Variants in ANKS1B observed in about 807,000 individuals in gnomAD.
ANKS1B encodes ankyrin repeat and sterile alpha motif domain containing 1B, also known as ankyrin repeat and sterile alpha motif domain-containing protein 1B.
Under a neutral mutation model 148.3 loss-of-function variants are expected in ANKS1B, and 36 were observed. The ratio of observed to expected loss-of-function variants is 0.24; its 90% CI spans 0.19 to 0.32. The LOEUF (loss-of-function observed/expected upper bound fraction) is 0.32. Ranked by LOEUF, ANKS1B falls within the 10% of genes least tolerant of loss-of-function variation. The probability of loss-of-function intolerance (pLI) is 1.00; values close to 1 mark genes in which losing one functional copy is unlikely to be tolerated. For missense variants in ANKS1B, 1,157 were observed against 1,542.6 expected (o/e 0.75, Z 4.19); for synonymous variants, 542 against 560.8 (o/e 0.97, Z 0.47).
chr12:98,939,742 A>G (rs2099833258), intron 17 of ANKS1B, among the ~76,000 whole-genome samples: 1 of 152,190 alleles, frequency 6.6e-6, no homozygotes, highest in Admixed American at 6.5e-5. Context: ...CTGTGTACAT[A>G]TTTCTTGGAG....
intron 14 of ANKS1B, among the ~76,000 whole-genome samples, chr12:99,237,197 C>CT (rs1417030310): frequency 2.0e-5 from 3 of 152,082 alleles, no homozygotes; most frequent in Non-Finnish European, 1.5e-5. Context: ...AATCACCAGC[C>CT]TTTTTTGTTT....
intron 1 of ANKS1B, among the ~76,000 whole-genome samples, chr12:99,829,915 G>A (rs2083719765): frequency 6.6e-6 from 1 of 152,158 alleles, no homozygotes; most frequent in African/African-American, 2.4e-5. Flanking sequence ...TAACTGAAGT[G>A]AGTCCGATAC....
chr12:99,954,034 A>G (rs1278431605), intron 1 of ANKS1B, among the ~76,000 whole-genome samples: 1 of 152,212 alleles, frequency 6.6e-6, no homozygotes, highest in African/African-American at 2.4e-5. Context: ...AGATAAAGCT[A>G]TTCTAAGTTC....
At chr12:98,811,860 G>C (rs996826968) in intron 19 of ANKS1B, among the ~76,000 whole-genome samples, 1 of 152,074 alleles carries the variant, frequency 6.6e-6, no homozygotes, top group African/African-American at 2.4e-5. Flanking sequence ...CCTGGGAATA[G>C]ATCTTCCAAT....
At chr12:99,681,168 T>C (rs2098613547) in intron 8 of ANKS1B, among the ~76,000 whole-genome samples, 2 of 152,132 alleles carry the variant, frequency 1.3e-5, no homozygotes, top group Non-Finnish European at 2.9e-5. Context: ...AGCAAGCTTG[T>C]ATACCCCTAT....
chr12:99,887,308 A>G (rs766232972), intron 1 of ANKS1B, among the ~76,000 whole-genome samples: 17 of 152,238 alleles, frequency 1.1e-4, no homozygotes, highest in Non-Finnish European at 2.1e-4. Context: ...CCAGATTTCA[A>G]TACTTGGTAC....
At chr12:99,364,595 G>A (rs975409486) in intron 12 of ANKS1B, among the ~76,000 whole-genome samples, 1 of 152,138 alleles carries the variant, frequency 6.6e-6, no homozygotes, top group Non-Finnish European at 1.5e-5. Flanking sequence ...TGCACCCTGT[G>A]GATTCTGACT....
intron 19 of ANKS1B, among the ~76,000 whole-genome samples, chr12:98,812,495 T>C (rs567311818): frequency 1.3e-5 from 2 of 152,358 alleles, no homozygotes; most frequent in South Asian, 2.1e-4. Flanking sequence ...TATGCGTAAC[T>C]GTCATCGTGT....
chr12:99,122,455 C>G (rs982489025), intron 15 of ANKS1B, among the ~76,000 whole-genome samples: 1 of 152,166 alleles, frequency 6.6e-6, no homozygotes, highest in African/African-American at 2.4e-5. Flanking sequence ...AGCAGTTTTT[C>G]TCTTAACTGC....
chr12:98,970,752 G>A (rs1012511047), intron 17 of ANKS1B, among the ~76,000 whole-genome samples: 5 of 152,212 alleles, frequency 3.3e-5, no homozygotes, highest in South Asian at 2.1e-4. Context: ...TTCTCCATGC[G>A]ACTAATGATC....
At chr12:99,831,936 G>T (rs1363943441) in intron 1 of ANKS1B, among the ~76,000 whole-genome samples, 1 of 152,178 alleles carries the variant, frequency 6.6e-6, no homozygotes. Flanking sequence ...AAAAGGAAAT[G>T]TGAATGGCTA....
intron 15 of ANKS1B, among the ~76,000 whole-genome samples, chr12:99,107,270 G>A (rs2059419279): frequency 6.6e-6 from 1 of 151,952 alleles, no homozygotes; most frequent in Non-Finnish European, 1.5e-5. Flanking sequence ...TTTTTGAAGG[G>A]GAGCAGCTAC....
intron 7 of ANKS1B, among the ~76,000 whole-genome samples, chr12:99,775,341 T>C (rs563864490): frequency 2.6e-5 from 4 of 152,230 alleles, no homozygotes; most frequent in African/African-American, 9.6e-5. Flanking sequence ...AAGAAACATA[T>C]ACTCCAGATA....
intron 14 of ANKS1B, among the ~76,000 whole-genome samples, chr12:99,158,384 G>A (rs1406728992): frequency 6.6e-6 from 1 of 152,170 alleles, no homozygotes; most frequent in Non-Finnish European, 1.5e-5. Context: ...CCTAGGCAGT[G>A]TGGTGTGAAT....
At chr12:99,428,752 C>T (rs1473262593) in intron 11 of ANKS1B, among the ~76,000 whole-genome samples, 3 of 152,040 alleles carry the variant, frequency 2.0e-5, no homozygotes, top group African/African-American at 4.8e-5. Flanking sequence ...AATTAATATA[C>T]GTAGTGCCTA....
intron 17 of ANKS1B, among the ~76,000 whole-genome samples, chr12:98,911,636 G>A (rs899481801): frequency 3.9e-5 from 6 of 152,096 alleles, no homozygotes; most frequent in South Asian, 2.1e-4. Flanking sequence ...TCTCCATAAC[G>A]CTTCCTACAG....
intron 16 of ANKS1B, among the ~76,000 whole-genome samples, chr12:99,084,422 G>C (rs976568023): frequency 6.6e-6 from 1 of 152,078 alleles, no homozygotes; most frequent in African/African-American, 2.4e-5. Context: ...ATTTTTCTAG[G>C]TAAATCTCAA....
At chr12:99,951,892 G>T (rs2095231466) in intron 1 of ANKS1B, among the ~76,000 whole-genome samples, 3 of 151,918 alleles carry the variant, frequency 2.0e-5, no homozygotes, top group African/African-American at 4.8e-5. Flanking sequence ...ATTAATTAAT[G>T]GTATTAGGTA....
intron 17 of ANKS1B, among the ~76,000 whole-genome samples, chr12:98,942,251 G>A (rs2099838058): frequency 1.3e-5 from 2 of 151,808 alleles, no homozygotes; most frequent in African/African-American, 4.8e-5. Flanking sequence ...GGTGGGAGGT[G>A]GGGGAGCGGG....
Sources: gnomAD v4.1 joint callset for allele counts (sites outside exome capture counted in the v4.1 genomes callset) on GRCh38, gnomAD v4.1.1 for gene constraint, MANE v1.5 for transcripts, NCBI Gene and HGNC (gene_info 2026-07-23, HGNC 2026-07-21) for gene names.